Variants in PCDHA7 observed in about 807,000 individuals in gnomAD.
PCDHA7 encodes the protein protocadherin alpha-7.
PCDHA7 carries 37 observed loss-of-function variants against 57.2 expected under a neutral mutation model. That is an observed-to-expected ratio of 0.65 (90% CI 0.50 to 0.85). The LOEUF (loss-of-function observed/expected upper bound fraction) is 0.85, where lower values mean the gene tolerates loss of function less well. Among genes scored for constraint, PCDHA7 ranks in the 40% least tolerant of loss-of-function variants. The pLI is 0.00. For synonymous variants in PCDHA7, 553 were observed against 558.8 expected (o/e 0.99, Z 0.15); for missense variants, 1,188 against 1,241.8 (o/e 0.96, Z 0.65).
At chr5:140,842,375 C>T (rs1430792130) in intron 1 of PCDHA7, 3 of 1,609,572 alleles carry the variant, frequency 1.9e-6, no homozygotes, top group Non-Finnish European at 2.6e-6. Flanking sequence ...TGAGATAGCA[C>T]TGACTTCCTT....
chr5:141,007,494 G>A (rs538537497), intron 3 of PCDHA7, among the ~76,000 whole-genome samples: 20 of 152,150 alleles, frequency 1.3e-4, no homozygotes, highest in African/African-American at 4.8e-4. Flanking sequence ...CTTGGACCTA[G>A]GAGGCAGAGA....
At chr5:140,848,948 G>A (rs782183548) in intron 1 of PCDHA7, 1 of 1,607,010 alleles carries the variant, frequency 6.2e-7, no homozygotes, top group African/African-American at 1.4e-5. Flanking sequence ...TTGACTCTCG[G>A]TTTCCACTAG....
chr5:140,850,794 A>G, intron 1 of PCDHA7: 2 of 1,598,296 alleles, frequency 1.3e-6, no homozygotes, highest in Non-Finnish European at 1.7e-6. Context: ...TAAGCAGAAG[A>G]CCGACCTCAT....
At chr5:140,957,548 T>C (rs1554223015) in intron 1 of PCDHA7, among the ~76,000 whole-genome samples, 1 of 152,154 alleles carries the variant, frequency 6.6e-6, no homozygotes, top group Non-Finnish European at 1.5e-5. Flanking sequence ...GAAAGTATTC[T>C]CTGTGGAAAA....
chr5:140,846,373 CT>C (rs2150388509), intron 1 of PCDHA7, among the ~76,000 whole-genome samples: 2,055 of 55,084 alleles, frequency 0.037, 29 homozygotes, highest in African/African-American at 0.088. Flanking sequence ...TTCTTTCTTT[CT>C]TTTTTTTTTT....
At chr5:140,850,816 C>T (rs2150499386) in intron 1 of PCDHA7, 3 of 1,598,298 alleles carry the variant, frequency 1.9e-6, no homozygotes, top group Admixed American at 1.7e-5. Flanking sequence ...GCCTTCAGCC[C>T]GGGCCTTTCT....
At chr5:140,851,660 T>G in intron 1 of PCDHA7, 1 of 914,450 alleles carries the variant, frequency 1.1e-6, no homozygotes, top group African/African-American at 1.8e-5. Flanking sequence ...GACATTCTCC[T>G]TTTAATTGAA....
At chr5:140,882,606 C>A (rs782588313) in intron 1 of PCDHA7, 1 of 1,614,120 alleles carries the variant, frequency 6.2e-7, no homozygotes, top group African/African-American at 1.3e-5. Context: ...GTGGACAGGC[C>A]TCTGCAGGTT....
chr5:140,967,387 T>A (rs1158599127), intron 1 of PCDHA7: 4 of 1,609,114 alleles, frequency 2.5e-6, no homozygotes, highest in Non-Finnish European at 3.4e-6. Flanking sequence ...GTAAAGTGCT[T>A]GAGCTGGTGC....
Position 141,009,998 on chromosome 5 carries a change from T to A in PCDHA7, c.*61T>A. On this transcript the variant is annotated 3_prime_UTR_variant, in exon 4 of 4. Transcript: ENST00000525929. ...TTGTAATAATGGCAAATCTCTCCCA[T>A]GTAGCAATTCCCTGCTCCTTTTTCC... 1 of 1,575,994 alleles carries A rather than the reference T, an allele frequency of 6.3e-7. No individual in the cohort carries two copies. Among genetic ancestry groups the A allele is most frequent in the Non-Finnish European group, 8.6e-7 (1 of 1,164,944 alleles).
At chr5:140,886,555 C>T (rs1441725788) in intron 1 of PCDHA7, among the ~76,000 whole-genome samples, 3 of 151,830 alleles carry the variant, frequency 2.0e-5, no homozygotes, top group Non-Finnish European at 4.4e-5. Context: ...CAGCTGGGCA[C>T]GGTGGCTCAC....
Position 140,836,107 on chromosome 5 carries a change from G to T in PCDHA7, c.1724G>T (p.Gly575Val). Reference protein sequence around the residue: ...LLAPRVGGTGGAVRELVPRSV... With the variant: ...LLAPRVGGTGVAVRELVPRSV... ...GCGCCTCGGGTGGGTGGCACTGGTG[G>T]CGCAGTGAGAGAGCTTGTGCCGCGG... The change falls in exon 1 of 4, where the codon GGC (glycine) becomes GTC (valine). Residue 575 changes from glycine to valine, a missense_variant. By Grantham distance (109) the Gly-to-Val change is moderately radical. Around this residue, in one of 3 missense-constraint regions of PCDHA7, gnomAD observed 892 missense variants for 788.5 expected, o/e 1.13. Transcript: ENST00000525929. 1 of 1,613,744 alleles carries T rather than the reference G, an allele frequency of 6.2e-7. No individual in the cohort carries two copies. The highest frequency in any genetic ancestry group is 8.5e-7 in the Non-Finnish European group (1 of 1,179,790).
chr5:140,960,789 T>C (rs1221128371), intron 1 of PCDHA7, among the ~76,000 whole-genome samples: 3 of 152,058 alleles, frequency 2.0e-5, no homozygotes. Context: ...CCAAACAAGG[T>C]TTCTATTAAA....
chr5:140,882,036 G>C, intron 1 of PCDHA7: 1 of 646,228 alleles, frequency 1.5e-6, no homozygotes. Context: ...AAAATATGAA[G>C]ACTGAGTCAT....
chr5:140,959,480 T>C (rs1554224103), intron 1 of PCDHA7, among the ~76,000 whole-genome samples: 1 of 152,222 alleles, frequency 6.6e-6, no homozygotes, highest in Non-Finnish European at 1.5e-5. Context: ...TCAAGGCATA[T>C]TGTTATATAT....
intron 1 of PCDHA7, chr5:140,882,766 G>C (rs782330844): frequency 6.2e-7 from 1 of 1,614,184 alleles, no homozygotes; most frequent in Non-Finnish European, 8.5e-7. Context: ...GAGTAAACTC[G>C]GCATTGACCT....
Position 140,883,366 on chromosome 5 carries a change from C to A in PCDHA7, c.2355+46628C>A, listed in dbSNP as rs34923516. 1.2e-5 allele frequency: 19 copies of A among 1,614,056 alleles called. No individual in the cohort carries two copies. In the African/African-American group the frequency reaches 2.4e-4, roughly 20 times the overall value. On this transcript the variant is annotated intron_variant, in intron 1 of 3. Transcript: ENST00000525929. ...CCATCAGAGAAGACACTCAGCCTAGCGCCATTATTGCCCTAATCAGTGTGT... is the reference window on the plus strand; with the variant it reads ...CCATCAGAGAAGACACTCAGCCTAGAGCCATTATTGCCCTAATCAGTGTGT...
intron 1 of PCDHA7, among the ~76,000 whole-genome samples, chr5:140,920,166 A>G (rs539079245): frequency 2.2e-4 from 34 of 152,328 alleles, no homozygotes; most frequent in African/African-American, 7.9e-4. Flanking sequence ...AACTGTCTTA[A>G]GCAACCCAGT....
At chr5:140,949,222 G>T (rs1472220330) in intron 1 of PCDHA7, among the ~76,000 whole-genome samples, 1 of 151,662 alleles carries the variant, frequency 6.6e-6, no homozygotes, top group Non-Finnish European at 1.5e-5. Flanking sequence ...GTTTAGACTT[G>T]TTCTGTGGCC....
Sources: allele counts gnomAD v4.1 joint callset (sites outside exome capture counted in the v4.1 genomes callset), GRCh38; gene constraint gnomAD v4.1.1; regional missense constraint gnomAD v4.1.1; transcripts MANE v1.5; gene names NCBI Gene and HGNC (gene_info 2026-07-23, HGNC 2026-07-21).